The following DDX31 variants were observed in gnomAD, a reference collection of about 807,000 sequenced individuals.
The protein encoded by DDX31 is DEAD-box helicase 31.
DDX31 carries 70 observed loss-of-function variants against 91.3 expected under a neutral mutation model. The ratio of observed to expected loss-of-function variants is 0.77; its 90% CI spans 0.63 to 0.94. The LOEUF (loss-of-function observed/expected upper bound fraction) is 0.94. Among genes scored for constraint, DDX31 ranks in the 40% least tolerant of loss-of-function variants. The probability of loss-of-function intolerance (pLI) is 0.00; values close to 1 mark genes in which losing one functional copy is unlikely to be tolerated. For synonymous variants in DDX31, 362 were observed against 350.6 expected (o/e 1.03, Z -0.36); for missense variants, 902 against 925.0 (o/e 0.98, Z 0.32).
intron 19 of DDX31, among the ~76,000 whole-genome samples, chr9:132,602,630 A>G (rs1335111540): frequency 2.0e-5 from 3 of 152,162 alleles, no homozygotes; most frequent in Admixed American, 6.6e-5. Context: ...GCTTATAATC[A>G]TCTCTTCTCA....
At chr9:132,611,602 G>T (rs2119295510) in intron 19 of DDX31, among the ~76,000 whole-genome samples, 1 of 152,224 alleles carries the variant, frequency 6.6e-6, no homozygotes, top group East Asian at 1.9e-4. Context: ...GAGGAAAGGG[G>T]AAGGGCTCAC....
chr9:132,632,163 A>AATTTAATGCAAACTCTG, intron 14 of DDX31, 72 bp from the exon 15 acceptor site: 1 of 1,434,058 alleles, frequency 7.0e-7, no homozygotes, highest in South Asian at 1.2e-5. Flanking sequence ...TATGTTTGAT[A>AATTTAATGCAAACTCTG]ATTTAATGCA....
chr9:132,666,904 G>A (rs886940343), intron 1 of DDX31, among the ~76,000 whole-genome samples: 1 of 152,000 alleles, frequency 6.6e-6, no homozygotes, highest in African/African-American at 2.4e-5. Context: ...TAATAGAGAC[G>A]GGGTTTCACT....
At chr9:132,613,022 T>C (rs436335) in intron 18 of DDX31, among the ~76,000 whole-genome samples, 119,083 of 152,120 alleles carry the variant, frequency 0.78, 47,273 homozygotes, top group African/African-American at 0.92. Context: ...AAGTAATCCT[T>C]GTGCCTCAGA....
At chr9:132,669,789 G>C in intron 1 of DDX31, 71 bp downstream of exon 1, 3 of 1,520,262 alleles carry the variant, frequency 2.0e-6, no homozygotes, top group Non-Finnish European at 2.6e-6. Flanking sequence ...TCCAAGGCAC[G>C]GCTGCAGCTC....
intron 19 of DDX31, among the ~76,000 whole-genome samples, chr9:132,606,052 G>A (rs944877186): frequency 2.6e-5 from 4 of 152,214 alleles, no homozygotes; most frequent in African/African-American, 9.6e-5. Flanking sequence ...AAGGAGGCCG[G>A]AGGGATCAAC....
intron 14 of DDX31, among the ~76,000 whole-genome samples, chr9:132,639,458 TTC>T (rs1833349198): frequency 6.6e-6 from 1 of 151,820 alleles, no homozygotes; most frequent in African/African-American, 2.4e-5. Context: ...CGAGGGAGAG[TTC>T]TCTTTCCATG....
chr9:132,662,752 A>C, intron 1 of DDX31, 57 bp from the exon 2 acceptor site: 1 of 1,605,878 alleles, frequency 6.2e-7, no homozygotes, highest in Non-Finnish European at 8.5e-7. Flanking sequence ...ATGAAAACAG[A>C]GCTCGGAGTG....
chr9:132,628,455 G>C (rs957303847), intron 16 of DDX31, among the ~76,000 whole-genome samples: 1 of 152,206 alleles, frequency 6.6e-6, no homozygotes, highest in South Asian at 2.1e-4. Flanking sequence ...GCAGATGATG[G>C]TATTTGTTAT....
chr9:132,625,318 C>T (rs1832327393), intron 17 of DDX31, among the ~76,000 whole-genome samples: 1 of 152,072 alleles, frequency 6.6e-6, no homozygotes, highest in Non-Finnish European at 1.5e-5. Flanking sequence ...CAGGTCTAGG[C>T]AGCCGTCCTT....
chr9:132,659,359 G>A (rs1834787718), intron 5 of DDX31, among the ~76,000 whole-genome samples: 1 of 152,162 alleles, frequency 6.6e-6, no homozygotes. Flanking sequence ...ATCAGTGTAC[G>A]CTCAGGCCAG....
At chr9:132,633,775 C>T (rs751208275) in intron 14 of DDX31, among the ~76,000 whole-genome samples, 3 of 152,084 alleles carry the variant, frequency 2.0e-5, no homozygotes, top group Non-Finnish European at 4.4e-5. Context: ...ACTTTTGACT[C>T]AGACCGAAGT....
At chr9:132,643,531 A>G (rs1217524197) in intron 13 of DDX31, among the ~76,000 whole-genome samples, 2 of 152,228 alleles carry the variant, frequency 1.3e-5, no homozygotes, top group Non-Finnish European at 2.9e-5. Flanking sequence ...CATACAAACA[A>G]CAAACATTCA....
At chr9:132,606,350 C>T (rs1201298624) in intron 19 of DDX31, among the ~76,000 whole-genome samples, 1 of 152,304 alleles carries the variant, frequency 6.6e-6, no homozygotes, top group East Asian at 1.9e-4. Context: ...TATTGCTTTA[C>T]AGGGAGATGC....
intron 16 of DDX31, among the ~76,000 whole-genome samples, chr9:132,628,499 G>A (rs937049985): frequency 3.3e-5 from 5 of 152,120 alleles, no homozygotes; most frequent in Non-Finnish European, 5.9e-5. Context: ...CTAATACTTC[G>A]TGCCTTTGCT....
chr9:132,666,584 T>C (rs1835321917), intron 1 of DDX31, among the ~76,000 whole-genome samples: 1 of 152,206 alleles, frequency 6.6e-6, no homozygotes, highest in South Asian at 2.1e-4. Flanking sequence ...AGTGCAGTGA[T>C]CTCTGCTCAC....
At chr9:132,636,355 A>G (rs1833114706) in intron 14 of DDX31, among the ~76,000 whole-genome samples, 1 of 152,246 alleles carries the variant, frequency 6.6e-6, no homozygotes, top group African/African-American at 2.4e-5. Context: ...GAGTTCTTAC[A>G]TCTGCAAAGC....
chr9:132,662,610 G>C lies in DDX31; in HGVS notation c.161C>G (p.Ala54Gly), dbSNP rs146247199. 4.0e-5 allele frequency: 64 copies of C among 1,614,062 alleles called. 2 individuals are homozygous for C. In the South Asian group the frequency reaches 6.5e-4, roughly 16 times the overall value. The change falls in exon 2 of 20, where the codon GCC (alanine) becomes GGC (glycine). Residue 54 changes from alanine to glycine, a missense_variant. Physicochemically the swap from Ala to Gly is moderately conservative, Grantham distance 60. Coordinates refer to ENST00000372159, the MANE Select transcript of DDX31 (RefSeq NM_022779.9). The part of the protein sequence containing the change: ...KRRNETSFLP[A>G]KKTSVKETQR... ...AGTTTCTTTAACACTAGTTTTCTTGGCTGGGAGAAATGAAGTTTCGTTCCT... is the reference window on the plus strand; with the variant it reads ...AGTTTCTTTAACACTAGTTTTCTTGCCTGGGAGAAATGAAGTTTCGTTCCT...
intron 14 of DDX31, among the ~76,000 whole-genome samples, chr9:132,636,512 A>G (rs1833125605): frequency 6.6e-6 from 1 of 152,212 alleles, no homozygotes; most frequent in Non-Finnish European, 1.5e-5. Flanking sequence ...CTAAGACTCT[A>G]AAGACTCTAA....
Sources: allele counts gnomAD v4.1 joint callset (sites outside exome capture counted in the v4.1 genomes callset), GRCh38; gene constraint gnomAD v4.1.1; transcripts MANE v1.5; gene names NCBI Gene and HGNC (gene_info 2026-07-23, HGNC 2026-07-21).